The following PVT1 variants were observed in gnomAD, a reference collection of about 807,000 sequenced individuals.
PVT1 encodes the protein CXCR4/PVT1 fusion.
chr8:127,967,056 A>G (rs1816710666), intron 3 of PVT1, among the ~76,000 whole-genome samples: 1 of 152,136 alleles, frequency 6.6e-6, no homozygotes, highest in African/African-American at 2.4e-5. Flanking sequence ...GAAGACTTTA[A>G]TTCGAGGGTG....
chr8:127,804,274 A>G (rs1283380101), intron 2 of PVT1, among the ~76,000 whole-genome samples: 1 of 152,194 alleles, frequency 6.6e-6, no homozygotes, highest in Non-Finnish European at 1.5e-5. Flanking sequence ...TTCATAAAAA[A>G]TAATATTTCT....
At chr8:127,889,025 T>C (rs1337884348) in intron 2 of PVT1, among the ~76,000 whole-genome samples, 2 of 148,930 alleles carry the variant, frequency 1.3e-5, no homozygotes, top group Non-Finnish European at 3.0e-5. Context: ...CCCCTTTTCC[T>C]TTCTCTCTTT....
intron 2 of PVT1, among the ~76,000 whole-genome samples, chr8:127,889,036 CTTT>C (rs1563631146): frequency 0.011 from 242 of 22,316 alleles, 4 homozygotes; most frequent in African/African-American, 0.056. Flanking sequence ...TTCTCTCTTT[CTTT>C]CTTCCTTCCT....
At chr8:127,875,363 G>GTCTCTC (rs139309505) in intron 2 of PVT1, among the ~76,000 whole-genome samples, 8,712 of 149,650 alleles carry the variant, frequency 0.058, 320 homozygotes, top group Non-Finnish European at 0.089. Context: ...CTCTGTCTCT[G>GTCTCTC]TCTCTCTCTC....
chr8:128,011,657 A>G (rs1341787206), intron 4 of PVT1, among the ~76,000 whole-genome samples: 4 of 152,226 alleles, frequency 2.6e-5, no homozygotes, highest in Admixed American at 6.5e-5. Context: ...AAATACAAGG[A>G]AACTAGGGCC....
intron 3 of PVT1, among the ~76,000 whole-genome samples, chr8:127,941,915 C>T (rs1317852485): frequency 1.3e-5 from 2 of 152,184 alleles, no homozygotes; most frequent in East Asian, 1.9e-4. Flanking sequence ...CATGCCTCTC[C>T]TTCCTGAGAC....
chr8:127,940,112 G>C (rs1443446617), intron 3 of PVT1: 1 of 152,158 alleles, frequency 6.6e-6, no homozygotes, highest in African/African-American at 2.4e-5. Context: ...CTGCAGGTGA[G>C]TGAGTTCCTG....
intron 3 of PVT1, among the ~76,000 whole-genome samples, chr8:127,896,920 G>A (rs374922638): frequency 1.3e-5 from 2 of 151,928 alleles, no homozygotes; most frequent in Admixed American, 6.6e-5. Context: ...CTCTCTAAAT[G>A]TTAGTTCCTC....
At chr8:127,801,598 C>G (rs1346582614) in intron 2 of PVT1, among the ~76,000 whole-genome samples, 1 of 152,146 alleles carries the variant, frequency 6.6e-6, no homozygotes, top group Non-Finnish European at 1.5e-5. Context: ...TTGAAACGGT[C>G]AGTCTGGCTG....
intron 2 of PVT1, among the ~76,000 whole-genome samples, chr8:127,880,987 G>A (rs1815461040): frequency 6.6e-6 from 1 of 152,252 alleles, no homozygotes; most frequent in Non-Finnish European, 1.5e-5. Flanking sequence ...CCGAATGTCA[G>A]TATTCCTGAA....
At chr8:127,962,651 C>T (rs964054890) in intron 3 of PVT1, among the ~76,000 whole-genome samples, 2 of 151,896 alleles carry the variant, frequency 1.3e-5, no homozygotes, top group East Asian at 1.9e-4. Context: ...GGCTGGAGTG[C>T]GGGGGTGCTA....
chr8:127,906,660 C>T (rs115563755), intron 3 of PVT1, among the ~76,000 whole-genome samples: 2,064 of 152,168 alleles, frequency 0.014, 41 homozygotes, highest in African/African-American at 0.048. Flanking sequence ...CTTCCCGATG[C>T]TTCTGGGGTC....
intron 2 of PVT1, among the ~76,000 whole-genome samples, chr8:127,797,742 A>G (rs1814414297): frequency 6.6e-6 from 1 of 152,210 alleles, no homozygotes; most frequent in South Asian, 2.1e-4. Context: ...TCCATGAGGC[A>G]TTTATAATGA....
intron 2 of PVT1, among the ~76,000 whole-genome samples, chr8:127,872,023 C>T (rs146141237): frequency 0.084 from 12,730 of 152,098 alleles, 684 homozygotes; most frequent in Non-Finnish European, 0.12. Context: ...AGCCGGGAGG[C>T]GGAGGTTGCA....
intron 3 of PVT1, among the ~76,000 whole-genome samples, chr8:127,919,170 T>C (rs1816026451): frequency 1.3e-5 from 2 of 152,226 alleles, no homozygotes; most frequent in Non-Finnish European, 2.9e-5. Flanking sequence ...TTTACTTTTG[T>C]TGGCTTGTTT....
At chr8:128,056,790 C>T (rs181768420) in intron 4 of PVT1, among the ~76,000 whole-genome samples, 15 of 152,260 alleles carry the variant, frequency 9.9e-5, no homozygotes, top group Non-Finnish European at 2.1e-4. Flanking sequence ...CGAGTTGCTC[C>T]GGGGTGATTC....
At chr8:127,865,081 C>T (rs1393767266) in intron 2 of PVT1, among the ~76,000 whole-genome samples, 3 of 152,214 alleles carry the variant, frequency 2.0e-5, no homozygotes, top group Non-Finnish European at 4.4e-5. Flanking sequence ...ATTCTTAGAG[C>T]TGTGTGGCCC....
chr8:127,998,856 CCTCTCT>C (rs1330523070), intron 4 of PVT1, among the ~76,000 whole-genome samples: 1 of 128,238 alleles, frequency 7.8e-6, no homozygotes, highest in Admixed American at 7.7e-5. Flanking sequence ...TCCCTCCCTC[CCTCTCT>C]CTCTCTCTCT....
At chr8:127,905,107 C>T (rs533677917) in intron 3 of PVT1, among the ~76,000 whole-genome samples, 2 of 152,350 alleles carry the variant, frequency 1.3e-5, no homozygotes, top group East Asian at 1.9e-4. Flanking sequence ...GTTTCTCTCT[C>T]CCCTGCCCTT....
Sources: gnomAD v4.1 joint callset for allele counts (sites outside exome capture counted in the v4.1 genomes callset) on GRCh38, gnomAD v4.1.1 for gene constraint, MANE v1.5 for transcripts, NCBI Gene and HGNC (gene_info 2026-07-23, HGNC 2026-07-21) for gene names.